The following DOK7 variants were observed in gnomAD, a reference collection of about 807,000 sequenced individuals.
DOK7 encodes protein Dok-7.
A neutral mutation model predicts 30.7 loss-of-function variants in DOK7; 32 were observed. The ratio of observed to expected loss-of-function variants is 1.04; its 90% CI spans 0.79 to 1.40. The LOEUF (loss-of-function observed/expected upper bound fraction) is 1.40, where lower values mean the gene tolerates loss of function less well. Ranked by LOEUF, DOK7 falls within the 40% of genes most tolerant of loss-of-function variation. The pLI is 0.00. For synonymous variants in DOK7, 447 were observed against 324.1 expected, an observed-to-expected ratio of 1.38 and a Z score of -4.07; for missense variants, 1,007 against 699.2, an observed-to-expected ratio of 1.44 and a Z score of -4.97.
At chr4:3,467,699 C>T (rs1195791195) in intron 2 of DOK7, among the ~76,000 whole-genome samples, 2 of 152,166 alleles carry the variant, frequency 1.3e-5, no homozygotes, top group Non-Finnish European at 2.9e-5. Flanking sequence ...TGTCTTAGCT[C>T]AGGCGGCTCT....
intron 2 of DOK7, among the ~76,000 whole-genome samples, chr4:3,467,462 A>G (rs373153523): frequency 1.8e-5 from 1 of 56,104 alleles, no homozygotes; most frequent in Non-Finnish European, 3.7e-5. Flanking sequence ...CCCCCCCCCC[A>G]CCCCAGACAT....
At chr4:3,472,494 A>T (rs1371472796) in intron 2 of DOK7, among the ~76,000 whole-genome samples, 3 of 152,234 alleles carry the variant, frequency 2.0e-5, no homozygotes, top group Admixed American at 6.5e-5. Context: ...AGGCCTGGTC[A>T]TCAAGCCTGG....
chr4:3,476,259 C>T lies in DOK7; in HGVS notation c.332-83C>T, dbSNP rs113204233. 73 of 991,456 alleles carry T rather than the reference C, an allele frequency of 7.4e-5. 1 individual carries two copies. In the African/African-American group the frequency reaches 1.1e-3, roughly 15 times the overall value. 61.4% of individuals were successfully genotyped at this position (991,456 alleles called of 1,614,324 possible). A position where few individuals can be genotyped will look rare whatever the true frequency, so the allele number is the denominator to read the frequency against. ...GTGATGCCCTCTCACCCCACCCGCC[C>T]GTGATGCCCTCTCACCCCACCCGCC... On this transcript the variant is annotated intron_variant, in intron 3 of 6. Coordinates refer to ENST00000340083, the MANE Select transcript of DOK7 (RefSeq NM_173660.5).
intron 2 of DOK7, among the ~76,000 whole-genome samples, chr4:3,466,514 C>T (rs1726274487): frequency 6.6e-6 from 1 of 152,206 alleles, no homozygotes; most frequent in African/African-American, 2.4e-5. Context: ...CGTCTGGCTC[C>T]TGCCCCAACG....
intron 2 of DOK7, among the ~76,000 whole-genome samples, chr4:3,470,177 T>C (rs576147507): frequency 1.3e-5 from 2 of 152,322 alleles, no homozygotes; most frequent in South Asian, 2.1e-4. Context: ...GCCTCAGCGC[T>C]CCAGTCCCTG....
chr4:3,490,116 A>ATTCCTTTCTTCACCCCCTCATTCATTCC (rs1728139829), intron 6 of DOK7, among the ~76,000 whole-genome samples: 1 of 71,376 alleles, frequency 1.4e-5, no homozygotes, highest in Non-Finnish European at 2.8e-5. Context: ...ACCCCCATTC[A>ATTCCTTTCTTCACCCCCTCATTCATTCC]TTCCTTTTCT....
At chr4:3,501,126 C>A in exon 8 of DOK7, 1 of 428,692 alleles carries the variant, frequency 2.3e-6, no homozygotes. Context: ...TGTGGCATCT[C>A]AGGCAGAGGC....
rs773596705 is a variant in DOK7, at chr4:3,485,500, C to G, written c.533-39C>G. ...TCCTCTTCAGGGTCCCCAGCCCGCCCTCGGGCCAGACTGACCTGTCTCTGT... is the reference window on the plus strand; with the variant it reads ...TCCTCTTCAGGGTCCCCAGCCCGCCGTCGGGCCAGACTGACCTGTCTCTGT... On this transcript the variant is annotated intron_variant, in intron 4 of 6. Transcript: ENST00000340083. 2.0e-6 allele frequency: 3 copies of G among 1,499,446 alleles called. No homozygotes were observed. In the South Asian group the frequency reaches 4.0e-5, roughly 20 times the overall value. 92.9% of individuals were successfully genotyped at this position (1,499,446 alleles called of 1,614,324 possible).
chr4:3,473,723 C>T (rs924519796), intron 3 of DOK7, 87 bp downstream of exon 3: 57 of 1,274,970 alleles, frequency 4.5e-5, no homozygotes, highest in African/African-American at 1.0e-4. Context: ...GAGGTGGGAG[C>T]GGCTCCAGGG....
At position 3,473,504 on chromosome 4, in the gene DOK7, C is replaced by G; in HGVS notation, c.199C>G (p.Pro67Ala). 6.2e-7 allele frequency: 1 copy of G among 1,611,160 alleles called. No individual in the cohort carries two copies. The highest frequency in any genetic ancestry group is 8.5e-7 in the Non-Finnish European group (1 of 1,179,782). The change falls in exon 3 of 7, where the codon CCC becomes GCC. Residue 67 changes from proline (P) to alanine (A), a missense_variant. Coordinates refer to ENST00000340083, the MANE Select transcript of DOK7 (RefSeq NM_173660.5). Reference protein sequence around the residue: ...LTLEDICGLEPGLPYEGLVHT... With the variant: ...LTLEDICGLEAGLPYEGLVHT... ...GCTAGAGGACATCTGCGGGCTGGAG[C>G]CCGGCCTGCCCTACGAGGGCCTGGT...
chr4:3,499,109 G>A (rs1309781828), downstream of DOK7, among the ~76,000 whole-genome samples: 6 of 152,222 alleles, frequency 3.9e-5, no homozygotes, highest in African/African-American at 1.2e-4. Context: ...GGCAGCGGGT[G>A]GCCACAGGAG....
Position 3,494,011 on chromosome 4 carries a change from G to C in DOK7, c.*510G>C. On this transcript the variant is annotated 3_prime_UTR_variant, in exon 7 of 7. Transcript: ENST00000340083. ...AGCCCAGCCCCCCTGGGCTCCGTGT[G>C]CGCTGGGCCTCATCCCCATCTATGG... is the stretch of plus-strand genomic sequence containing the variant. 1 of 992,556 alleles carries C rather than the reference G, an allele frequency of 1.0e-6. No homozygotes were observed. Among genetic ancestry groups the C allele is most frequent in the Non-Finnish European group, 1.2e-6 (1 of 835,116 alleles). The allele number at this position is 992,556 out of a possible 1,614,324, so 61.5% of individuals were successfully genotyped here.
At chr4:3,496,894 G>T, downstream of DOK7, 1 of 1,534,026 alleles carries the variant, frequency 6.5e-7, no homozygotes, top group Non-Finnish European at 8.7e-7. Context: ...CCCAGAGCTC[G>T]GGGACAGGAA....
chr4:3,482,765 A>G (rs893959288), intron 4 of DOK7, among the ~76,000 whole-genome samples: 1 of 152,198 alleles, frequency 6.6e-6, no homozygotes, highest in Admixed American at 6.5e-5. Context: ...GGCGGTCAGC[A>G]GCCTCTCACC....
chr4:3,490,933 TCCCC>T (rs1728341007), intron 6 of DOK7, among the ~76,000 whole-genome samples: 1 of 91,008 alleles, frequency 1.1e-5, no homozygotes, highest in Admixed American at 1.2e-4. Context: ...CCTTCCTTCT[TCCCC>T]TGCTCATTCA....
At chr4:3,490,010 C>CAT in intron 6 of DOK7, among the ~76,000 whole-genome samples, 1 of 131,176 alleles carries the variant, frequency 7.6e-6, no homozygotes, top group African/African-American at 3.5e-5. Flanking sequence ...TTCCTTCCTT[C>CAT]TCCTCCTGCT....
Position 3,493,397 on chromosome 4 carries a change from C to A in DOK7, c.1411C>A (p.Pro471Thr), listed in dbSNP as rs764872565. Residue 471 changes from proline to threonine, a missense_variant, in exon 7 of 7, where the codon CCT becomes ACT. Transcript: ENST00000340083. The stretch of plus-strand genomic sequence containing the variant: ...CGAGGCCACACTGCCTGGCCCTGCC[C>A]CTGGCGAGCCCTGGGAAGCAGGCGG... ...GSEATLPGPA[P>T]GEPWEAGGPH... 6.3e-7 allele frequency: 1 copy of A among 1,594,358 alleles called. No homozygotes were observed.
At chr4:3,491,396 G>T (rs61010043) in intron 6 of DOK7, among the ~76,000 whole-genome samples, 42,105 of 105,596 alleles carry the variant, frequency 0.4, 7,074 homozygotes, top group East Asian at 0.57. Context: ...ATTCCTTCCT[G>T]CTCACCCCAG....
Position 3,493,826 on chromosome 4 carries a change from T to C in DOK7, c.*325T>C. The C allele has an allele frequency of 8.1e-7, 1 of 1,230,000 alleles. No homozygotes were observed. The highest frequency in any genetic ancestry group is 1.0e-6 in the Non-Finnish European group (1 of 982,964). 76.2% of individuals were successfully genotyped at this position (1,230,000 alleles called of 1,614,324 possible). On this transcript the variant is annotated 3_prime_UTR_variant, in exon 7 of 7. Transcript: ENST00000340083. Reference sequence around the variant, plus strand: ...ACCTCTGTTGGCTCGTGCCTTGCACTGGGGTGCCAAGGGCTGGAGGCCCTG... The same window carrying C: ...ACCTCTGTTGGCTCGTGCCTTGCACCGGGGTGCCAAGGGCTGGAGGCCCTG...
Sources: gnomAD v4.1 joint callset for allele counts (sites outside exome capture counted in the v4.1 genomes callset) on GRCh38, gnomAD v4.1.1 for gene constraint, MANE v1.5 for transcripts, NCBI Gene and HGNC (gene_info 2026-07-23, HGNC 2026-07-21) for gene names.